The following NRXN3 variants were observed in gnomAD, a reference collection of about 807,000 sequenced individuals.
NRXN3 encodes neurexin 3, also known as neurexin III.
NRXN3 carries 32 observed loss-of-function variants against 137.6 expected under a neutral mutation model. The ratio of observed to expected loss-of-function variants is 0.23; its 90% CI spans 0.18 to 0.31. The LOEUF (loss-of-function observed/expected upper bound fraction) is 0.31, where lower values mean the gene tolerates loss of function less well. Ranked by LOEUF, NRXN3 falls within the 10% of genes least tolerant of loss-of-function variation. The pLI is 1.00. For missense variants in NRXN3, 1,574 were observed against 2,062.5 expected (o/e 0.76, Z 4.59); for synonymous variants, 798 against 784.5 (o/e 1.02, Z -0.29).
chr14:79,585,660 G>A (rs1233980780), intron 16 of NRXN3, among the ~76,000 whole-genome samples: 1 of 138,412 alleles, frequency 7.2e-6, no homozygotes, highest in Non-Finnish European at 1.5e-5. Flanking sequence ...ACTCCAGCCT[G>A]GCGACAGAGC....
chr14:79,739,572 A>C (rs1047193000), intron 19 of NRXN3, among the ~76,000 whole-genome samples: 17 of 132,680 alleles, frequency 1.3e-4, no homozygotes, highest in African/African-American at 4.8e-4. Flanking sequence ...GGAACCCAGG[A>C]GGCGGAGGTT....
At chr14:78,517,485 T>C (rs2096226080) in intron 4 of NRXN3, among the ~76,000 whole-genome samples, 1 of 152,144 alleles carries the variant, frequency 6.6e-6, no homozygotes, top group Non-Finnish European at 1.5e-5. Flanking sequence ...TTCCCTGTCA[T>C]TTGTCATGAA....
intron 2 of NRXN3, among the ~76,000 whole-genome samples, chr14:78,273,981 T>A (rs1315287040): frequency 6.6e-6 from 1 of 152,226 alleles, no homozygotes; most frequent in East Asian, 1.9e-4. Flanking sequence ...TACAGGAGGC[T>A]GGCTGTGCAG....
intron 15 of NRXN3, among the ~76,000 whole-genome samples, chr14:79,071,450 A>G (rs916210592): frequency 3.3e-5 from 5 of 152,140 alleles, no homozygotes; most frequent in Non-Finnish European, 7.3e-5. Flanking sequence ...GTTCTCATTG[A>G]GAAACACATT....
intron 10 of NRXN3, among the ~76,000 whole-genome samples, chr14:78,911,513 C>A (rs1460406840): frequency 6.6e-6 from 1 of 152,078 alleles, no homozygotes; most frequent in African/African-American, 2.4e-5. Context: ...AGTTCACTAC[C>A]CACAGAGCTG....
At chr14:79,689,728 T>G (rs2154023737) in intron 17 of NRXN3, among the ~76,000 whole-genome samples, 1 of 152,230 alleles carries the variant, frequency 6.6e-6, no homozygotes, top group African/African-American at 2.4e-5. Context: ...TTATCTCTTT[T>G]TCTAGCCTGT....
At chr14:78,627,573 G>A (rs2097478685) in intron 4 of NRXN3, among the ~76,000 whole-genome samples, 1 of 152,160 alleles carries the variant, frequency 6.6e-6, no homozygotes, top group African/African-American at 2.4e-5. Flanking sequence ...AGGAGGCTTG[G>A]AGTAAGGACT....
intron 10 of NRXN3, among the ~76,000 whole-genome samples, chr14:78,945,862 T>C (rs1228879187): frequency 1.3e-5 from 2 of 152,212 alleles, no homozygotes; most frequent in Non-Finnish European, 2.9e-5. Flanking sequence ...TGTCGCATCC[T>C]GGATTTGTGG....
chr14:79,435,782 G>A (rs975821809), intron 15 of NRXN3, among the ~76,000 whole-genome samples: 3 of 151,994 alleles, frequency 2.0e-5, no homozygotes, highest in Non-Finnish European at 4.4e-5. Flanking sequence ...CTATAGGCAT[G>A]GACCATCACA....
At chr14:79,830,184 A>C (rs546572365) in intron 20 of NRXN3, among the ~76,000 whole-genome samples, 2 of 152,320 alleles carry the variant, frequency 1.3e-5, no homozygotes, top group African/African-American at 4.8e-5. Context: ...TCTAGGGAGC[A>C]TTTTTAACTA....
At chr14:78,583,700 A>G (rs1375420960) in intron 4 of NRXN3, among the ~76,000 whole-genome samples, 4 of 152,192 alleles carry the variant, frequency 2.6e-5, no homozygotes, top group Non-Finnish European at 1.5e-5. Flanking sequence ...TGTCTTGGAA[A>G]GCTTGCTGGA....
intron 13 of NRXN3, 46 bp downstream of exon 13, chr14:78,967,444 A>G: frequency 7.2e-7 from 1 of 1,395,218 alleles, no homozygotes; most frequent in Middle Eastern, 1.8e-4. Context: ...CTTTTCTTAC[A>G]ATAGATAGAC....
chr14:79,424,242 T>C (rs2095622851), intron 15 of NRXN3, among the ~76,000 whole-genome samples: 1 of 152,166 alleles, frequency 6.6e-6, no homozygotes, highest in Non-Finnish European at 1.5e-5. Context: ...TTAAGACAAA[T>C]ATTCATTAAA....
chr14:78,874,412 T>C (rs1408791841), intron 10 of NRXN3, among the ~76,000 whole-genome samples: 1 of 152,216 alleles, frequency 6.6e-6, no homozygotes, highest in African/African-American at 2.4e-5. Context: ...TAAGGGCTTC[T>C]GAGATGCTAA....
At chr14:79,511,771 C>G (rs1288646348) in intron 16 of NRXN3, among the ~76,000 whole-genome samples, 1 of 152,162 alleles carries the variant, frequency 6.6e-6, no homozygotes, top group African/African-American at 2.4e-5. Context: ...CCCCTTGCCT[C>G]AACTGGATGA....
intron 15 of NRXN3, among the ~76,000 whole-genome samples, chr14:79,194,607 T>C (rs1252434272): frequency 2.0e-5 from 3 of 152,194 alleles, no homozygotes; most frequent in African/African-American, 7.2e-5. Context: ...GTTATGAAGT[T>C]TTATTCCTGA....
rs750162568 is a variant in NRXN3 at position 79,282,981 on chromosome 14, C to G, written c.3263-184240C>G. Among the ~76,000 whole-genome samples, 75 of 152,292 alleles carry G rather than the reference C, an allele frequency of 4.9e-4. 1 individual carries two copies. Among genetic ancestry groups the G allele is most frequent in the Non-Finnish European group, 9.0e-4 (61 of 68,022 alleles). On this transcript the variant is annotated intron_variant, in intron 15 of 20. Transcript: ENST00000335750. The stretch of plus-strand genomic sequence containing the variant: ...TTCCATCCTGCACCCAAGCTGTGAC[C>G]CTTTGCGTCTCTAACTAAAAGGACC...
At chr14:78,717,079 G>C (rs376429147) in intron 8 of NRXN3, among the ~76,000 whole-genome samples, 1 of 152,186 alleles carries the variant, frequency 6.6e-6, no homozygotes, top group African/African-American at 2.4e-5. Flanking sequence ...AAGTGTTGCA[G>C]ATCTTCTGTT....
At chr14:79,686,459 G>A (rs894468959) in intron 17 of NRXN3, among the ~76,000 whole-genome samples, 7 of 152,096 alleles carry the variant, frequency 4.6e-5, no homozygotes, top group East Asian at 3.9e-4. Flanking sequence ...GTGAGTGTTA[G>A]GGAAGGATCC....
Sources: gnomAD v4.1 joint callset for allele counts (sites outside exome capture counted in the v4.1 genomes callset) on GRCh38, gnomAD v4.1.1 for gene constraint, MANE v1.5 for transcripts, NCBI Gene and HGNC (gene_info 2026-07-23, HGNC 2026-07-21) for gene names.